MAOB: variants seen among roughly 807,000 people sequenced by gnomAD.
MAOB encodes monoamine oxidase B, also known as amine oxidase [flavin-containing] B.
Under a neutral mutation model 41.9 loss-of-function variants are expected in MAOB, and 15 were observed. That is an observed-to-expected ratio of 0.36 (90% confidence interval 0.24 to 0.55). The LOEUF (loss-of-function observed/expected upper bound fraction) is 0.55. Ranked by LOEUF, MAOB falls within the 20% of genes least tolerant of loss-of-function variation. MAOB has a pLI of 0.86. For synonymous variants in MAOB, 167 were observed against 144.2 expected (o/e 1.16, Z -1.13); for missense variants, 345 against 398.7 (o/e 0.87, Z 1.15).
chrX:43,837,335 G>A (rs1331780824), intron 3 of MAOB, among the ~76,000 whole-genome samples: 1 of 112,201 alleles, frequency 8.9e-6, no homozygotes, highest in East Asian at 2.8e-4. Flanking sequence ...GACACATAGG[G>A]AAGGAAGGTG....
chrX:43,772,770 A>G (rs1359323919), intron 12 of MAOB, among the ~76,000 whole-genome samples: 1 of 111,174 alleles, frequency 9.0e-6, no homozygotes, highest in East Asian at 2.9e-4. Context: ...CGGATCCCTC[A>G]TGGCTTGGTG....
Position 43,767,739 on chromosome X carries a change from G to A in MAOB, c.1411-121C>T, listed in dbSNP as rs759952475. On this transcript the variant is annotated intron_variant, in intron 14 of 14. Coordinates refer to ENST00000378069, the MANE Select transcript of MAOB (RefSeq NM_000898.5). ...TGCCAACGTCTAGACCAGTAAACAC[G>A]ATGTTCCCTCTGCTTATACTGTTTA... 12 of 586,788 alleles carry A rather than the reference G, an allele frequency of 2.0e-5. No homozygotes were observed. The South Asian group carries it at 4.5e-4, about 22-fold the overall frequency. The allele number at this position is 586,788 out of a possible 1,213,427, so 48.4% of individuals were successfully genotyped here.
chrX:43,803,896 A>T, intron 3 of MAOB, among the ~76,000 whole-genome samples: 1 of 111,418 alleles, frequency 9.0e-6, no homozygotes, highest in Middle Eastern at 4.6e-3. Flanking sequence ...CCAAGGACTC[A>T]GATGTGCTAG....
intron 3 of MAOB, among the ~76,000 whole-genome samples, chrX:43,820,601 T>C (rs934117790): frequency 1.2e-4 from 13 of 111,903 alleles, no homozygotes; most frequent in Admixed American, 6.6e-4. Context: ...AAAAAGTCCG[T>C]TTTTGCGTAC....
chrX:43,862,400 A>G (rs1460398517), intron 1 of MAOB, among the ~76,000 whole-genome samples: 1 of 112,069 alleles, frequency 8.9e-6, no homozygotes, highest in Admixed American at 9.5e-5. Context: ...AAGCCAATAA[A>G]CATTTATTTA....
chrX:43,803,145 C>T (rs1331015399), intron 4 of MAOB, among the ~76,000 whole-genome samples, 155 bp downstream of exon 4: 1 of 112,078 alleles, frequency 8.9e-6, no homozygotes, highest in African/African-American at 3.2e-5. Context: ...CTTATTATTG[C>T]AGAGGTTAGA....
At chrX:43,821,317 T>C (rs940104007) in intron 3 of MAOB, among the ~76,000 whole-genome samples, 2 of 111,167 alleles carry the variant, frequency 1.8e-5, no homozygotes, top group African/African-American at 3.3e-5. Context: ...ACTCGTTTAA[T>C]TGCATTTTCT....
chrX:43,802,195 T>C lies in MAOB; in HGVS notation c.453A>G (p.Leu151=). Residue 151 remains leucine (L), a synonymous_variant, in exon 5 of 15, where the codon CTA becomes CTG. Coordinates refer to ENST00000378069, the MANE Select transcript of MAOB (RefSeq NM_000898.5). ...EEWDNMTMKE[L]LDKLCWTESA... ...ACTCAGTCCAGCAGAGCTTGTCCAG[T>C]AGCTCCTTCATTGTCATGTTGTCCC... 1.7e-6 allele frequency: 2 copies of C among 1,207,794 alleles called. No individual in the cohort carries two copies. The highest frequency in any genetic ancestry group is 2.2e-6 in the Non-Finnish European group (2 of 893,059).
chrX:43,807,408 T>A (rs1457658076), intron 3 of MAOB, among the ~76,000 whole-genome samples: 5 of 112,088 alleles, frequency 4.5e-5, no homozygotes, highest in Non-Finnish European at 7.5e-5. Context: ...AACAGTTGGG[T>A]TAGGTGGTCT....
At chrX:43,843,448 T>C (rs1223000408) in intron 2 of MAOB, among the ~76,000 whole-genome samples, 7 of 104,272 alleles carry the variant, frequency 6.7e-5, no homozygotes, top group Non-Finnish European at 1.4e-4. Flanking sequence ...TCTTACTCAA[T>C]CCTAACTCTA....
chrX:43,836,599 C>A (rs1357997679), intron 3 of MAOB, among the ~76,000 whole-genome samples: 1 of 111,836 alleles, frequency 8.9e-6, no homozygotes, highest in African/African-American at 3.3e-5. Context: ...CTGTTATTTC[C>A]CATTTCCTCC....
intron 5 of MAOB, among the ~76,000 whole-genome samples, chrX:43,798,350 AT>A (rs1290644690): frequency 8.9e-6 from 1 of 112,405 alleles, no homozygotes; most frequent in Non-Finnish European, 1.9e-5. Context: ...GTTAAACAAA[AT>A]TTTTTAAACA....
chrX:43,837,739 A>C (rs1483658824), intron 3 of MAOB: 5 of 254,882 alleles, frequency 2.0e-5, no homozygotes, highest in Non-Finnish European at 3.8e-5. Context: ...GATGTTTTCT[A>C]CCAGTGAGGA....
At chrX:43,772,881 T>C (rs2034203414) in intron 12 of MAOB, among the ~76,000 whole-genome samples, 1 of 111,866 alleles carries the variant, frequency 8.9e-6, no homozygotes, top group African/African-American at 3.3e-5. Flanking sequence ...GCCATGTGAC[T>C]TGCCTGTTCT....
chrX:43,869,623 C>T (rs1007314455), intron 1 of MAOB, among the ~76,000 whole-genome samples: 1 of 112,040 alleles, frequency 8.9e-6, no homozygotes, highest in Non-Finnish European at 1.9e-5. Context: ...CTCTTCTGCC[C>T]TGTTGTAAAA....
chrX:43,854,423 A>G (rs2035275200), intron 1 of MAOB, among the ~76,000 whole-genome samples: 1 of 111,980 alleles, frequency 8.9e-6, no homozygotes, highest in Non-Finnish European at 1.9e-5. Context: ...CAGAAAAACA[A>G]ACACCACATG....
chrX:43,791,220 G>A (rs1320754753), intron 8 of MAOB, among the ~76,000 whole-genome samples: 1 of 111,525 alleles, frequency 9.0e-6, no homozygotes, highest in African/African-American at 3.3e-5. Context: ...GTGATGCAGC[G>A]GAAAAAGAGT....
chrX:43,865,943 A>G (rs1189039396), intron 1 of MAOB, among the ~76,000 whole-genome samples: 1 of 110,899 alleles, frequency 9.0e-6, no homozygotes, highest in Non-Finnish European at 1.9e-5. Flanking sequence ...TAGGAAGACT[A>G]CACGTGACAG....
intron 1 of MAOB, among the ~76,000 whole-genome samples, chrX:43,873,629 C>G (rs1402042927): frequency 9.0e-6 from 1 of 111,377 alleles, no homozygotes; most frequent in African/African-American, 3.3e-5. Flanking sequence ...TCTGATGGTG[C>G]CCCTCTCTCA....
Sources: gnomAD v4.1 joint callset for allele counts (sites outside exome capture counted in the v4.1 genomes callset) on GRCh38, gnomAD v4.1.1 for gene constraint, MANE v1.5 for transcripts, NCBI Gene and HGNC (gene_info 2026-07-23, HGNC 2026-07-21) for gene names.